The following ACTR3B variants were observed in gnomAD, a reference collection of about 807,000 sequenced individuals.
ACTR3B encodes the protein actin-related protein 3B.
In ACTR3B, 8 loss-of-function variants were observed where a neutral mutation model predicts 59.0. That is an observed-to-expected ratio of 0.14 (90% CI 0.08 to 0.24). The LOEUF (loss-of-function observed/expected upper bound fraction) is 0.24, where lower values mean the gene tolerates loss of function less well. Ranked by LOEUF, ACTR3B falls within the 10% of genes least tolerant of loss-of-function variation. The pLI, the probability that ACTR3B is intolerant of heterozygous loss-of-function variation, is 1.00. For synonymous variants in ACTR3B, 148 were observed against 197.9 expected, an observed-to-expected ratio of 0.75 and a Z score of 2.12; for missense variants, 245 against 552.3, an observed-to-expected ratio of 0.44 and a Z score of 5.58.
intron 9 of ACTR3B, among the ~76,000 whole-genome samples, chr7:152,847,582 A>T (rs1183955123): frequency 1.3e-5 from 2 of 152,194 alleles, no homozygotes; most frequent in East Asian, 3.8e-4. Context: ...CAGGCAGGAA[A>T]GTATATCCAA....
chr7:152,837,423 C>A (rs1234150070), intron 9 of ACTR3B, among the ~76,000 whole-genome samples: 1 of 152,236 alleles, frequency 6.6e-6, no homozygotes, highest in African/African-American at 2.4e-5. Flanking sequence ...TTTAAGCCAT[C>A]AGAGTAATTC....
Position 152,759,897 on chromosome 7 carries a change from G to C in ACTR3B, c.15G>C (p.Leu5=), listed in dbSNP as rs1378304152. 2.2e-6 allele frequency: 3 copies of C among 1,376,376 alleles called. No homozygotes were observed. Among genetic ancestry groups the C allele is most frequent in the Middle Eastern group, 2.6e-4 (1 of 3,914 alleles). The allele number at this position is 1,376,376 out of a possible 1,614,324, so 85.3% of individuals were successfully genotyped here. MAGS[L]PPCVVDCGTG... is the part of the protein sequence containing the mutation. ...GCGTCCCGAGCATGGCAGGCTCCCTGCCTCCCTGCGTGGTGGACTGTGGCA... is the reference window on the plus strand; with the variant it reads ...GCGTCCCGAGCATGGCAGGCTCCCTCCCTCCCTGCGTGGTGGACTGTGGCA... The change falls in exon 1 of 12, where the codon CTG becomes CTC. Residue 5 remains leucine (L), a synonymous_variant. Coordinates refer to ENST00000256001, the MANE Select transcript of ACTR3B (RefSeq NM_020445.6).
intron 4 of ACTR3B, among the ~76,000 whole-genome samples, chr7:152,806,553 T>C (rs1029689050): frequency 1.3e-5 from 2 of 152,202 alleles, no homozygotes; most frequent in Non-Finnish European, 1.5e-5. Flanking sequence ...CTCTCTACTC[T>C]AGTGTCTTGA....
Position 152,809,483 on chromosome 7 carries a change from CA to C in ACTR3B, c.337-5066del, listed in dbSNP as rs571106659. On this transcript the variant is annotated intron_variant, in intron 4 of 11. Transcript: ENST00000256001. ...CTTAGCCAGCTGATTGTTCATGTTC[CA>C]GGGGTGATTGTGTGTAGGCATATGG... 2.3e-3 allele frequency among the ~76,000 whole-genome samples: 350 copies of C among 152,182 alleles called. 1 individual carries two copies. Among genetic ancestry groups the C allele is most frequent in the African/African-American group, 8.1e-3 (335 of 41,504 alleles).
At chr7:152,780,015 A>G (rs992423007) in intron 1 of ACTR3B, among the ~76,000 whole-genome samples, 24 of 152,190 alleles carry the variant, frequency 1.6e-4, no homozygotes, top group Non-Finnish European at 2.8e-4. Context: ...AAATAACGTC[A>G]GTTCTGCTAG....
chr7:152,771,587 C>G (rs558640896), intron 1 of ACTR3B, among the ~76,000 whole-genome samples: 6 of 152,112 alleles, frequency 3.9e-5, no homozygotes, highest in Admixed American at 6.5e-5. Context: ...ATCCAGAAGG[C>G]ATCTACTGTA....
At chr7:152,800,396 T>C (rs2098231484) in intron 2 of ACTR3B, 135 bp from the exon 3 acceptor site, 2 of 1,175,258 alleles carry the variant, frequency 1.7e-6, no homozygotes, top group Admixed American at 5.5e-5. Context: ...TTGTCTTTTC[T>C]GTGAGCACCC....
intron 1 of ACTR3B, among the ~76,000 whole-genome samples, chr7:152,775,190 C>CAAAAAAAA (rs67260503): frequency 2.3e-5 from 1 of 42,598 alleles, no homozygotes; most frequent in Non-Finnish European, 4.6e-5. Flanking sequence ...AACCCTGTCT[C>CAAAAAAAA]AAAAAAAAAA....
In ACTR3B at chr7:152,771,507, C is replaced by T. The variant is rs546614344; in HGVS notation, c.44+11581C>T. 4.5e-4 allele frequency among the ~76,000 whole-genome samples: 69 copies of T among 152,178 alleles called. 1 individual carries two copies. Among genetic ancestry groups the T allele is most frequent in the African/African-American group, 1.6e-3 (67 of 41,520 alleles). ...TGTGAGGATCAACTTCCTGAAATTA[C>T]GTAGACCACGGTAGGAAAGAACAAA... On this transcript the variant is annotated intron_variant, in intron 1 of 11. Transcript: ENST00000256001.
At chr7:152,768,856 A>AT (rs936484267) in intron 1 of ACTR3B, among the ~76,000 whole-genome samples, 29 of 143,782 alleles carry the variant, frequency 2.0e-4, no homozygotes, top group South Asian at 4.4e-4. Flanking sequence ...AGGGCTTCCA[A>AT]TTTTTTTTTT....
At chr7:152,820,638 T>G (rs1004480415) in intron 7 of ACTR3B, among the ~76,000 whole-genome samples, 196 bp downstream of exon 7, 2 of 152,210 alleles carry the variant, frequency 1.3e-5, no homozygotes, top group Non-Finnish European at 2.9e-5. Flanking sequence ...GCTTTGAGGT[T>G]TCAGCTGTCA....
At chr7:152,833,368 T>C (rs186193542) in intron 9 of ACTR3B, among the ~76,000 whole-genome samples, 13 of 152,338 alleles carry the variant, frequency 8.5e-5, no homozygotes, top group African/African-American at 3.1e-4. Flanking sequence ...TTCGCTGGGA[T>C]TGCAGTCCCT....
Position 152,854,399 on chromosome 7 carries a change from GGTTC to G in ACTR3B, c.1162-58_1162-55del. 6.6e-7 allele frequency: 1 copy of G among 1,505,012 alleles called. No individual in the cohort carries two copies. The highest frequency in any genetic ancestry group is 9.2e-7 in the Non-Finnish European group (1 of 1,081,258). 93.2% of individuals were successfully genotyped at this position (1,505,012 alleles called of 1,614,324 possible). A position where few individuals can be genotyped will look rare whatever the true frequency, so the allele number is the denominator to read the frequency against. Reference sequence around the variant, plus strand: ...AGAGTGTCTTGCCTGCTTGGTAGCTGGTTCCCTTGACTTTCTTCTGAAATGAGTG... The same window carrying G: ...AGAGTGTCTTGCCTGCTTGGTAGCTGCCTTGACTTTCTTCTGAAATGAGTG... On this transcript the variant is annotated intron_variant, in intron 11 of 11. Transcript: ENST00000256001. This position sits in a 1 kb window ranked among gnomAD's most constrained non-coding sequence, Gnocchi z 4.9.
chr7:152,836,232 A>T (rs1323293821), intron 9 of ACTR3B, among the ~76,000 whole-genome samples: 2 of 152,254 alleles, frequency 1.3e-5, no homozygotes, highest in Non-Finnish European at 2.9e-5. Context: ...AGTATTTCAA[A>T]AGATAGGCTC....
At chr7:152,837,018 T>C (rs1797514264) in intron 9 of ACTR3B, among the ~76,000 whole-genome samples, 1 of 151,786 alleles carries the variant, frequency 6.6e-6, no homozygotes, top group Non-Finnish European at 1.5e-5. Flanking sequence ...AAAAGAAAAA[T>C]TAAAAAAATT....
At chr7:152,773,297 A>T (rs1323075123) in intron 1 of ACTR3B, among the ~76,000 whole-genome samples, 1 of 152,114 alleles carries the variant, frequency 6.6e-6, no homozygotes, top group Non-Finnish European at 1.5e-5. Context: ...CAAAAAAGAA[A>T]GTAAAAGGGG....
intron 1 of ACTR3B, among the ~76,000 whole-genome samples, chr7:152,780,092 G>T (rs551678485): frequency 6.6e-6 from 1 of 152,230 alleles, no homozygotes; most frequent in Admixed American, 6.5e-5. Context: ...GGTGGCTCAC[G>T]CCTGTAACCC....
intron 9 of ACTR3B, among the ~76,000 whole-genome samples, chr7:152,841,830 C>T (rs925637631): frequency 1.3e-5 from 2 of 152,188 alleles, no homozygotes; most frequent in African/African-American, 4.8e-5. Context: ...CCTGCCCTCT[C>T]AACTCAGAGT....
intron 1 of ACTR3B, 143 bp from the exon 2 acceptor site, chr7:152,783,044 T>TG (rs201851227): frequency 0.014 from 924 of 66,538 alleles, 13 homozygotes; most frequent in African/African-American, 0.13. Flanking sequence ...TGATCACAAG[T>TG]TTTTTTTTTT....
Sources: allele counts gnomAD v4.1 joint callset (sites outside exome capture counted in the v4.1 genomes callset), GRCh38; gene constraint gnomAD v4.1.1; non-coding constraint Gnocchi (gnomAD v3.1); transcripts MANE v1.5; gene names NCBI Gene and HGNC (gene_info 2026-07-23, HGNC 2026-07-21).